ATCAY: variants seen among roughly 807,000 people sequenced by gnomAD.
ATCAY encodes the protein ATCAY kinesin light chain interacting caytaxin.
In ATCAY, 22 loss-of-function variants were observed where a neutral mutation model predicts 47.7. That is an observed-to-expected ratio of 0.46 (90% CI 0.33 to 0.66). ATCAY has a LOEUF of 0.66. Ranked by LOEUF, ATCAY falls within the 30% of genes least tolerant of loss-of-function variation. The probability of loss-of-function intolerance (pLI) is 0.02; values close to 1 mark genes in which losing one functional copy is unlikely to be tolerated. For synonymous variants in ATCAY, 216 were observed against 207.6 expected, an observed-to-expected ratio of 1.04 and a Z score of -0.35; for missense variants, 452 against 515.0, an observed-to-expected ratio of 0.88 and a Z score of 1.18.
chr19:3,892,968 G>A (rs1599279500), intron 2 of ATCAY, among the ~76,000 whole-genome samples: 1 of 151,966 alleles, frequency 6.6e-6, no homozygotes, highest in East Asian at 1.9e-4. Context: ...TTTAGCTAAT[G>A]CCCCTGCCCC....
At position 3,920,780 on chromosome 19, in the gene ATCAY, C is replaced by T; in HGVS notation, c.1088C>T (p.Ser363Leu). The T allele has an allele frequency of 6.2e-7, 1 of 1,613,762 alleles. No individual in the cohort carries two copies. Among genetic ancestry groups the T allele is most frequent in the South Asian group, 1.1e-5 (1 of 91,056 alleles). ...CTCCTCCACAGGTCTGCTCTGGTCT[C>T]AGAAGATCAGGAAACAAGGTGGGTG... ...APVENRSALVSEDQETSMS is the reference protein window; with the variant it reads ...APVENRSALVLEDQETSMS Residue 363 changes from serine (S) to leucine (L), a missense_variant, in exon 12 of 13, where the codon TCA (serine) becomes TTA (leucine). Transcript: ENST00000450849.
At chr19:3,894,625 CAAAAAAAA>C (rs56732320) in intron 2 of ATCAY, among the ~76,000 whole-genome samples, 1 of 75,162 alleles carries the variant, frequency 1.3e-5, no homozygotes, top group South Asian at 4.4e-4. Context: ...CCTGTGTCTG[CAAAAAAAA>C]AAAAAAAAAA....
chr19:3,904,534 C>T (rs963931397), intron 3 of ATCAY, among the ~76,000 whole-genome samples: 2 of 152,096 alleles, frequency 1.3e-5, no homozygotes, highest in South Asian at 2.1e-4. Flanking sequence ...CCTGCCCTGC[C>T]GATTGAGGAC....
chr19:3,885,109 T>TAAAAAA (rs34258948), intron 1 of ATCAY, among the ~76,000 whole-genome samples: 5 of 70,318 alleles, frequency 7.1e-5, no homozygotes, highest in African/African-American at 1.1e-4. Flanking sequence ...TTTTTTTTTT[T>TAAAAAA]AAAAAAAAAA....
chr19:3,889,827 G>T (rs920612955), intron 2 of ATCAY, among the ~76,000 whole-genome samples: 1 of 152,062 alleles, frequency 6.6e-6, no homozygotes, highest in Non-Finnish European at 1.5e-5. Flanking sequence ...TAAAACAGCC[G>T]AGATGGGCTG....
At chr19:3,885,905 C>G (rs2038647470) in intron 2 of ATCAY, 61 bp downstream of exon 2, 1 of 1,517,836 alleles carries the variant, frequency 6.6e-7, no homozygotes, top group African/African-American at 1.4e-5. Flanking sequence ...CCAGGTGGGA[C>G]ACAGGAGCGG....
chr19:3,917,146 C>A (rs2038973130), intron 9 of ATCAY, among the ~76,000 whole-genome samples: 1 of 152,018 alleles, frequency 6.6e-6, no homozygotes, highest in Non-Finnish European at 1.5e-5. Flanking sequence ...ATCTATGGGC[C>A]AGGTGTGGTG....
At chr19:3,898,149 G>A (rs1294760014) in intron 2 of ATCAY, among the ~76,000 whole-genome samples, 2 of 151,760 alleles carry the variant, frequency 1.3e-5, no homozygotes, top group South Asian at 2.1e-4. Flanking sequence ...TCTACTTCCT[G>A]TGAGAATTTA....
chr19:3,885,933 G>A, intron 2 of ATCAY, 89 bp downstream of exon 2: 3 of 1,348,068 alleles, frequency 2.2e-6, no homozygotes, highest in South Asian at 2.5e-5. Context: ...CTCTCTCTAA[G>A]TGGGAACCGC....
At chr19:3,902,428 T>C (rs1019745727) in intron 2 of ATCAY, 59 bp from the exon 3 acceptor site, 1 of 1,520,982 alleles carries the variant, frequency 6.6e-7, no homozygotes, top group Non-Finnish European at 8.9e-7. Context: ...CACTCCACTG[T>C]CCTCTGCCTG....
intron 2 of ATCAY, among the ~76,000 whole-genome samples, chr19:3,891,928 C>T (rs1049824216): frequency 2.0e-5 from 3 of 152,170 alleles, no homozygotes; most frequent in Non-Finnish European, 4.4e-5. Context: ...CTCGCTGCAA[C>T]GCCCAGGCTG....
intron 2 of ATCAY, among the ~76,000 whole-genome samples, chr19:3,894,895 G>C (rs1372109390): frequency 7.1e-6 from 1 of 140,242 alleles, no homozygotes; most frequent in African/African-American, 2.7e-5. Flanking sequence ...GCTGCAGTGA[G>C]CTATGATTTC....
chr19:3,913,930 G>A, intron 9 of ATCAY, 74 bp downstream of exon 9: 3 of 1,385,430 alleles, frequency 2.2e-6, no homozygotes, highest in Non-Finnish European at 3.1e-6. Context: ...CCTGAGACAG[G>A]GCAATTTACA....
At position 3,908,190 on chromosome 19, in the gene ATCAY, AC is replaced by A. The variant is rs2038882668; in HGVS notation, c.545-77del. The A allele has an allele frequency of 3.1e-6, 4 of 1,280,462 alleles. No homozygotes were observed. In the Admixed American group the frequency reaches 8.0e-5, roughly 26 times the overall value. The allele number at this position is 1,280,462 out of a possible 1,614,324, so 79.3% of individuals were successfully genotyped here. A position where few individuals can be genotyped will look rare whatever the true frequency, so the allele number is the denominator to read the frequency against. ...CCCTCCCGAGCGTGTGGGCACCGGG[AC>A]GTGGTGGGTGGTGCGCGGGAGGCAG... is the stretch of plus-strand genomic sequence containing the variant. On this transcript the variant is annotated intron_variant, in intron 5 of 12. Transcript: ENST00000450849.
Position 3,918,807 on chromosome 19 carries a change from G to A in ATCAY, c.1003G>A (p.Ala335Thr), listed in dbSNP as rs572107692. ...EERLKARRESARPQPEFVLPR... is the reference protein window; with the variant it reads ...EERLKARRESTRPQPEFVLPR... The stretch of plus-strand genomic sequence containing the variant: ...TCACCTCGTTCTCTCTGTCCACAGC[G>A]CGAGGCCCCAGCCGGAGTTTGTGCT... Residue 335 changes from alanine to threonine, a missense_variant and splice_region_variant, in exon 11 of 13, where the codon GCG becomes ACG. Coordinates refer to ENST00000450849, the MANE Select transcript of ATCAY (RefSeq NM_033064.5). The A allele has an allele frequency of 2.4e-5, 38 of 1,613,930 alleles. No homozygotes were observed. Among genetic ancestry groups the A allele is most frequent in the East Asian group, 1.1e-4 (5 of 44,876 alleles).
intron 1 of ATCAY, among the ~76,000 whole-genome samples, chr19:3,881,874 C>T (rs556773952): frequency 6.8e-6 from 1 of 146,478 alleles, no homozygotes; most frequent in Admixed American, 6.8e-5. Flanking sequence ...CCGCCCCCCC[C>T]CCGACCCCAT....
At chr19:3,914,776 G>C (rs929935766) in intron 9 of ATCAY, among the ~76,000 whole-genome samples, 13 of 150,790 alleles carry the variant, frequency 8.6e-5, no homozygotes, top group African/African-American at 2.7e-4. Context: ...AGCCGAGATC[G>C]CACCACTGCA....
intron 2 of ATCAY, among the ~76,000 whole-genome samples, chr19:3,888,127 T>A (rs1034318237): frequency 7.3e-6 from 1 of 137,882 alleles, no homozygotes; most frequent in Non-Finnish European, 1.6e-5. Context: ...AAAAAAAAAA[T>A]ACTACATGGA....
intron 2 of ATCAY, among the ~76,000 whole-genome samples, chr19:3,889,368 G>A (rs1002623178): frequency 6.6e-5 from 10 of 152,126 alleles, no homozygotes; most frequent in Admixed American, 5.9e-4. Context: ...AGCCAAGATC[G>A]CACCACTGAA....
Sources: gnomAD v4.1 joint callset for allele counts (sites outside exome capture counted in the v4.1 genomes callset) on GRCh38, gnomAD v4.1.1 for gene constraint, MANE v1.5 for transcripts, NCBI Gene and HGNC (gene_info 2026-07-23, HGNC 2026-07-21) for gene names.